Variants in DOCK3 observed in about 807,000 individuals in gnomAD.
The protein encoded by DOCK3 is dedicator of cytokinesis 3.
A neutral mutation model predicts 265.6 loss-of-function variants in DOCK3; 60 were observed. The ratio of observed to expected loss-of-function variants is 0.23; its 90% CI spans 0.18 to 0.28. The LOEUF (loss-of-function observed/expected upper bound fraction) is 0.28, where lower values mean the gene tolerates loss of function less well. DOCK3 is among the 10% of genes least tolerant of loss of function. The pLI, the probability that DOCK3 is intolerant of heterozygous loss-of-function variation, is 1.00. For synonymous variants in DOCK3, 881 were observed against 938.0 expected, an observed-to-expected ratio of 0.94 and a Z score of 1.11; for missense variants, 1,981 against 2,594.3, an observed-to-expected ratio of 0.76 and a Z score of 5.14.
At chr3:51,338,884 G>A (rs2110065622) in intron 36 of DOCK3, 51 bp from the exon 37 acceptor site, 1 of 1,485,416 alleles carries the variant, frequency 6.7e-7, no homozygotes, top group Admixed American at 1.9e-5. Flanking sequence ...CCCAGAGCTT[G>A]GCTATGGCTT....
At chr3:51,157,159 T>TTAA (rs2085889892) in intron 10 of DOCK3, among the ~76,000 whole-genome samples, 5 of 151,958 alleles carry the variant, frequency 3.3e-5, no homozygotes, top group African/African-American at 1.2e-4. Context: ...TCAATTTATG[T>TTAA]TTATTTTGTA....
intron 7 of DOCK3, among the ~76,000 whole-genome samples, chr3:51,085,972 A>G (rs1472984967): frequency 2.0e-5 from 3 of 152,240 alleles, no homozygotes; most frequent in Non-Finnish European, 1.5e-5. Context: ...GGGATACCCT[A>G]ACCCAGTGAC....
intron 22 of DOCK3, among the ~76,000 whole-genome samples, chr3:51,250,538 G>T (rs1279134169): frequency 2.6e-5 from 4 of 152,196 alleles, no homozygotes; most frequent in African/African-American, 9.7e-5. Context: ...AGAATTGCTT[G>T]AACCTGGGAG....
intron 1 of DOCK3, among the ~76,000 whole-genome samples, chr3:50,760,938 C>T (rs1309368209): frequency 3.9e-5 from 6 of 152,158 alleles, no homozygotes; most frequent in South Asian, 2.1e-4. Flanking sequence ...CCTGCCACCA[C>T]GCCTGGCTAA....
At position 50,696,584 on chromosome 3, in the gene DOCK3, G is replaced by A. The variant is rs530623864; in HGVS notation, c.37+21284G>A. Reference sequence around the variant, plus strand: ...GCATGAGAGCAAATTCAGGTCACAGGGGACAGTAAGGCATGAAAGATTTGT... The same window carrying A: ...GCATGAGAGCAAATTCAGGTCACAGAGGACAGTAAGGCATGAAAGATTTGT... On this transcript the variant is annotated intron_variant, in intron 1 of 52. Coordinates refer to ENST00000266037, the MANE Select transcript of DOCK3 (RefSeq NM_004947.5). 2.6e-5 allele frequency among the ~76,000 whole-genome samples: 4 copies of A among 152,182 alleles called. No homozygotes were observed. In the South Asian group the frequency reaches 8.3e-4, roughly 32 times the overall value.
chr3:51,225,536 G>GT (rs2090291612), intron 14 of DOCK3, 113 bp from the exon 15 acceptor site: 2 of 1,466,746 alleles, frequency 1.4e-6, no homozygotes, highest in Admixed American at 2.4e-5. Flanking sequence ...AGCTTGGAAT[G>GT]CCCTGAACAC....
chr3:50,798,055 C>T (rs534695313), intron 2 of DOCK3, among the ~76,000 whole-genome samples: 1 of 152,158 alleles, frequency 6.6e-6, no homozygotes, highest in East Asian at 1.9e-4. Context: ...ATTCTGACCA[C>T]AGTATAAATA....
At chr3:50,905,220 G>A (rs2049419259) in intron 4 of DOCK3, among the ~76,000 whole-genome samples, 2 of 152,030 alleles carry the variant, frequency 1.3e-5, no homozygotes, top group Non-Finnish European at 2.9e-5. Context: ...TGTTCTTTTG[G>A]CTTAGGATTG....
chr3:50,835,006 A>G (rs915461733), intron 2 of DOCK3, among the ~76,000 whole-genome samples: 1 of 152,210 alleles, frequency 6.6e-6, no homozygotes, highest in African/African-American at 2.4e-5. Flanking sequence ...GTAGATTCTC[A>G]TAAACCTTTT....
chr3:51,193,916 T>G (rs1252303878), intron 12 of DOCK3, among the ~76,000 whole-genome samples: 1 of 151,720 alleles, frequency 6.6e-6, no homozygotes, highest in Non-Finnish European at 1.5e-5. Flanking sequence ...CTTCAGTCTC[T>G]ATTTCATTTT....
chr3:51,139,251 C>CA (rs2084936639), intron 9 of DOCK3, among the ~76,000 whole-genome samples: 1 of 139,134 alleles, frequency 7.2e-6, no homozygotes, highest in African/African-American at 3.1e-5. Context: ...CACTCAACTG[C>CA]AGTGGGGGGA....
chr3:50,936,970 T>C (rs1365158064), intron 5 of DOCK3, among the ~76,000 whole-genome samples: 1 of 152,176 alleles, frequency 6.6e-6, no homozygotes, highest in Non-Finnish European at 1.5e-5. Context: ...CAGTGTATGT[T>C]GAATTAATAT....
intron 4 of DOCK3, among the ~76,000 whole-genome samples, chr3:50,906,612 C>A (rs2049517017): frequency 6.6e-6 from 1 of 151,700 alleles, no homozygotes; most frequent in East Asian, 1.9e-4. Flanking sequence ...TGGTGATATC[C>A]CCCTTATCAT....
At chr3:50,794,651 C>T (rs889670378) in intron 2 of DOCK3, among the ~76,000 whole-genome samples, 1 of 152,164 alleles carries the variant, frequency 6.6e-6, no homozygotes, top group Non-Finnish European at 1.5e-5. Flanking sequence ...CTCTCGAAGA[C>T]AGCATATTAA....
At chr3:50,766,913 C>G (rs181266618) in intron 1 of DOCK3, among the ~76,000 whole-genome samples, 2 of 152,006 alleles carry the variant, frequency 1.3e-5, no homozygotes, top group African/African-American at 2.4e-5. Flanking sequence ...TGGCTGCATA[C>G]ATGTCTTCTT....
In DOCK3 at chr3:50,719,575, A is replaced by G. The variant is rs2037349309; in HGVS notation, c.37+44275A>G. 1.0e-5 allele frequency: 14 copies of G among 1,402,978 alleles called. No individual in the cohort carries two copies. In the Admixed American group the frequency reaches 1.9e-4, roughly 19 times the overall value. 86.9% of individuals were successfully genotyped at this position (1,402,978 alleles called of 1,614,324 possible). On this transcript the variant is annotated intron_variant, in intron 1 of 52. Transcript: ENST00000266037. ...CCATGGCCTGCATAATATTAATGCT[A>G]TTATTCACCTTGCCAAAGACCACAT...
intron 2 of DOCK3, among the ~76,000 whole-genome samples, chr3:50,796,233 CG>C (rs2042770427): frequency 6.6e-6 from 1 of 151,042 alleles, no homozygotes; most frequent in African/African-American, 2.4e-5. Context: ...TTAGTAGAGA[CG>C]GGGTTTCACC....
In DOCK3 at chr3:51,371,974, G is replaced by A. The variant is rs375340432; in HGVS notation, c.5294-2495G>A. On this transcript the variant is annotated intron_variant, in intron 49 of 52. Coordinates refer to ENST00000266037, the MANE Select transcript of DOCK3 (RefSeq NM_004947.5). The stretch of plus-strand genomic sequence containing the variant: ...GATATGGGTTTGATGTTACTGAGTT[G>A]GTCTAAAGGTGCTGTGTGTTTTTCG... Among the ~76,000 whole-genome samples, 13 of 152,322 alleles carry A rather than the reference G, an allele frequency of 8.5e-5. No individual in the cohort carries two copies. The East Asian group carries it at 1.7e-3, about 20-fold the overall frequency.
intron 2 of DOCK3, among the ~76,000 whole-genome samples, chr3:50,801,179 A>G (rs1250689452): frequency 6.6e-6 from 1 of 152,096 alleles, no homozygotes; most frequent in East Asian, 1.9e-4. Context: ...GTGAGCACAC[A>G]CCTGGACAAG....
Sources: allele counts gnomAD v4.1 joint callset (sites outside exome capture counted in the v4.1 genomes callset), GRCh38; gene constraint gnomAD v4.1.1; transcripts MANE v1.5; gene names NCBI Gene and HGNC (gene_info 2026-07-23, HGNC 2026-07-21).